Variants in QDPR observed in about 807,000 individuals in gnomAD.
The protein encoded by QDPR is quinoid dihydropteridine reductase, also known as dihydropteridine reductase.
Under a neutral mutation model 31.7 loss-of-function variants are expected in QDPR, and 23 were observed. That is an observed-to-expected ratio of 0.73 (90% confidence interval 0.52 to 1.03). QDPR has a LOEUF of 1.03. QDPR is among the 50% of genes least tolerant of loss of function. The pLI, the probability that QDPR is intolerant of heterozygous loss-of-function variation, is 0.00. For synonymous variants in QDPR, 124 were observed against 124.7 expected (o/e 0.99, Z 0.03); for missense variants, 324 against 323.8 (o/e 1.00, Z 0.00).
In QDPR at chr4:17,487,219, A is replaced by T. The variant is rs1351957338; in HGVS notation, c.647T>A (p.Ile216Asn). The change falls in exon 7 of 7, where the codon ATC (isoleucine) becomes AAC (asparagine). Residue 216 changes from isoleucine (I) to asparagine (N), a missense_variant. Coordinates refer to ENST00000281243, the MANE Select transcript of QDPR (RefSeq NM_000320.3). ...TGAGCTCGGTCGGTTTTTCCCTGTG[A>T]TCCAGTCATGGAAAGTTCTGGAACA... ...EFLVETFHDWITGKNRPSSGS... is the reference protein window; with the variant it reads ...EFLVETFHDWNTGKNRPSSGS... 1 of 1,613,898 alleles carries T rather than the reference A, an allele frequency of 6.2e-7. No individual in the cohort carries two copies. The highest frequency in any genetic ancestry group is 8.5e-7 in the Non-Finnish European group (1 of 1,179,946).
chr4:17,509,632 C>T (rs909302883), intron 1 of QDPR, among the ~76,000 whole-genome samples: 14 of 151,910 alleles, frequency 9.2e-5, no homozygotes, highest in African/African-American at 3.4e-4. Context: ...GAGGTTGAGG[C>T]GAGAGGATCA....
At chr4:17,491,958 G>A (rs952657410) in intron 5 of QDPR, among the ~76,000 whole-genome samples, 3 of 152,174 alleles carry the variant, frequency 2.0e-5, no homozygotes, top group African/African-American at 7.2e-5. Flanking sequence ...CCCTCGCCAG[G>A]CACCAAATCT....
intron 4 of QDPR, among the ~76,000 whole-genome samples, chr4:17,500,845 C>A (rs556393097): frequency 6.6e-6 from 1 of 152,292 alleles, no homozygotes; most frequent in African/African-American, 2.4e-5. Context: ...TGCACAAACC[C>A]AGACAAGTTA....
At position 17,490,643 on chromosome 4, in the gene QDPR, A is replaced by C. The variant is rs752546956; in HGVS notation, c.629+19T>G. The C allele has an allele frequency of 6.3e-7, 1 of 1,589,070 alleles. No homozygotes were observed. The highest frequency in any genetic ancestry group is 8.6e-7 in the Non-Finnish European group (1 of 1,157,338). On this transcript the variant is annotated intron_variant, in intron 6 of 6. Coordinates refer to ENST00000281243, the MANE Select transcript of QDPR (RefSeq NM_000320.3). ...GGGGCTGGAAGCTGCTCAGTCATGG[A>C]CATGTCTGTAATACTCACTCAACTA...
chr4:17,505,401 C>T (rs1718751825), intron 2 of QDPR, among the ~76,000 whole-genome samples: 1 of 152,140 alleles, frequency 6.6e-6, no homozygotes, highest in African/African-American at 2.4e-5. Context: ...CGCCTGCCAC[C>T]ACACCTAGCT....
intron 2 of QDPR, among the ~76,000 whole-genome samples, chr4:17,508,748 A>C (rs1718883844): frequency 6.6e-6 from 1 of 151,834 alleles, no homozygotes; most frequent in Admixed American, 6.6e-5. Flanking sequence ...AAATGTTAAC[A>C]GTGAACTAAC....
At chr4:17,506,745 TAA>T in intron 2 of QDPR, among the ~76,000 whole-genome samples, 1 of 152,348 alleles carries the variant, frequency 6.6e-6, no homozygotes, top group East Asian at 1.9e-4. Flanking sequence ...TTAAATTCAC[TAA>T]GGTCAATCTG....
chr4:17,502,282 T>A (rs1718598218), intron 3 of QDPR, among the ~76,000 whole-genome samples: 1 of 152,254 alleles, frequency 6.6e-6, no homozygotes, highest in African/African-American at 2.4e-5. Context: ...TTTACTGAGC[T>A]ACATATTTTA....
At chr4:17,494,947 G>C (rs989919228) in intron 4 of QDPR, among the ~76,000 whole-genome samples, 11 of 152,300 alleles carry the variant, frequency 7.2e-5, no homozygotes, top group Non-Finnish European at 1.3e-4. Flanking sequence ...GGAAACCATG[G>C]AGGGCACGCA....
chr4:17,488,890 C>T (rs1249812197), intron 6 of QDPR, among the ~76,000 whole-genome samples: 1 of 152,216 alleles, frequency 6.6e-6, no homozygotes, highest in Non-Finnish European at 1.5e-5. Context: ...ATGTCATGGC[C>T]TCATCTCTGG....
intron 6 of QDPR, among the ~76,000 whole-genome samples, chr4:17,488,818 AGC>A (rs754437647): frequency 2.2e-4 from 33 of 152,210 alleles, no homozygotes; most frequent in Non-Finnish European, 4.0e-4. Context: ...GGTTTGAACA[AGC>A]TCATATGAGC....
chr4:17,507,831 T>A (rs1176808400), intron 2 of QDPR, among the ~76,000 whole-genome samples: 1 of 152,118 alleles, frequency 6.6e-6, no homozygotes, highest in Non-Finnish European at 1.5e-5. Flanking sequence ...CTTGATCTCC[T>A]GACCTCGTGA....
At chr4:17,495,268 C>A (rs1718312107) in intron 4 of QDPR, among the ~76,000 whole-genome samples, 2 of 152,170 alleles carry the variant, frequency 1.3e-5, no homozygotes, top group African/African-American at 4.8e-5. Flanking sequence ...AAAGCCAGAG[C>A]CTGGAAAGGG....
At position 17,488,061 on chromosome 4, in the gene QDPR, T is replaced by C. The variant is rs567996508; in HGVS notation, c.630-825A>G. 1.1e-4 allele frequency among the ~76,000 whole-genome samples: 16 copies of C among 152,236 alleles called. No individual in the cohort carries two copies. In the East Asian group the frequency reaches 1.4e-3, roughly 13 times the overall value. On this transcript the variant is annotated intron_variant, in intron 6 of 6. Transcript: ENST00000281243. ...GTGGATCACTTGAGCCCAGGAGTTT[T>C]TGAGACCAGCCTGGGCAACTGGGTG...
intron 4 of QDPR, among the ~76,000 whole-genome samples, chr4:17,500,490 C>T (rs947418813): frequency 4.6e-5 from 7 of 152,126 alleles, no homozygotes; most frequent in Non-Finnish European, 1.5e-5. Flanking sequence ...TTAAAATGAG[C>T]CCATTGAGAT....
intron 6 of QDPR, chr4:17,490,095 G>A (rs997804013): frequency 1.1e-5 from 2 of 177,944 alleles, no homozygotes; most frequent in East Asian, 1.3e-4. Flanking sequence ...TCCCATGAGC[G>A]TTCAAATGCC....
chr4:17,487,857 C>T (rs189750256), intron 6 of QDPR, among the ~76,000 whole-genome samples: 1 of 152,266 alleles, frequency 6.6e-6, no homozygotes, highest in Admixed American at 6.5e-5. Context: ...CCCAGGCCCC[C>T]AGTGAGTTCA....
At chr4:17,496,977 G>A (rs1193157753) in intron 4 of QDPR, among the ~76,000 whole-genome samples, 4 of 152,116 alleles carry the variant, frequency 2.6e-5, no homozygotes, top group Non-Finnish European at 4.4e-5. Flanking sequence ...GGCTGGTCTC[G>A]AACTCAGGTG....
rs762866860 is a variant in QDPR at position 17,512,050 on chromosome 4, G to T, written c.5C>A (p.Ala2Glu). 6.3e-7 allele frequency: 1 copy of T among 1,599,426 alleles called. No homozygotes were observed. The highest frequency in any genetic ancestry group is 1.7e-5 in the Admixed American group (1 of 59,168). M[A>E]AAAAAGEARR... ...CGCCTCGCCTGCAGCCGCCGCCGCC[G>T]CCATCCTGCTCCTGCCAGCCCGGCT... The change falls in exon 1 of 7, where the codon GCG becomes GAG. Residue 2 changes from alanine (A) to glutamate (E), a missense_variant. By Grantham distance (107) the Ala-to-Glu change is moderately radical. Coordinates refer to ENST00000281243, the MANE Select transcript of QDPR (RefSeq NM_000320.3).
Sources: allele counts gnomAD v4.1 joint callset (sites outside exome capture counted in the v4.1 genomes callset), GRCh38; gene constraint gnomAD v4.1.1; transcripts MANE v1.5; gene names NCBI Gene and HGNC (gene_info 2026-07-23, HGNC 2026-07-21).